The following PDK1 variants were observed in gnomAD, a reference collection of about 807,000 sequenced individuals.
PDK1 encodes [Pyruvate dehydrogenase (acetyl-transferring)] kinase isozyme 1, mitochondrial.
In PDK1, 39 loss-of-function variants were observed where a neutral mutation model predicts 54.2. The ratio of observed to expected loss-of-function variants is 0.72; its 90% CI spans 0.56 to 0.94. PDK1 has a LOEUF of 0.94. PDK1 is among the 40% of genes least tolerant of loss of function. PDK1 has a pLI of 0.00. For missense variants in PDK1, 552 were observed against 566.0 expected (o/e 0.98, Z 0.25); for synonymous variants, 221 against 207.1 (o/e 1.07, Z -0.58).
At chr2:172,645,165 G>A in the PDK1 span, among the ~76,000 whole-genome samples, 6 of 149,090 alleles carry the variant, frequency 4.0e-5, no homozygotes, top group African/African-American at 1.2e-4. Context: ...AGTACATATC[G>A]TGCCCTTTCC....
chr2:172,645,259 G>GTT, the PDK1 span, among the ~76,000 whole-genome samples: 40 of 38,690 alleles, frequency 1.0e-3, no homozygotes, highest in Admixed American at 2.3e-3. Flanking sequence ...TACAAAATAG[G>GTT]CTTTTTTTTT....
At chr2:172,564,378 CATG>C in intron 3 of PDK1, 122 bp from the exon 4 acceptor site, 1 of 687,686 alleles carries the variant, frequency 1.5e-6, no homozygotes, top group Non-Finnish European at 2.5e-6. Context: ...TATAGGAAAA[CATG>C]AACCGATTTT....
intron 6 of PDK1, among the ~76,000 whole-genome samples, chr2:172,568,492 G>A (rs147715153): frequency 9.2e-5 from 14 of 152,216 alleles, no homozygotes; most frequent in African/African-American, 2.6e-4. Context: ...AAAAATGGGC[G>A]CATGGGTTGG....
rs1237620253 is a variant in PDK1, at chr2:172,596,060, A to G, written c.*91A>G. On this transcript the variant is annotated 3_prime_UTR_variant, in exon 11 of 11. Coordinates refer to ENST00000282077, the MANE Select transcript of PDK1 (RefSeq NM_002610.5). Reference sequence around the variant, plus strand: ...AGAACTATATTATACCAAGTACTTTATTTATCGTTTTCACAAAACTATTTG... The same window carrying G: ...AGAACTATATTATACCAAGTACTTTGTTTATCGTTTTCACAAAACTATTTG... The G allele has an allele frequency of 3.7e-6, 4 of 1,095,216 alleles. No homozygotes were observed. The East Asian group carries it at 7.8e-5, about 21-fold the overall frequency. 67.8% of individuals were successfully genotyped at this position (1,095,216 alleles called of 1,614,324 possible). A position where few individuals can be genotyped will look rare whatever the true frequency, so the allele number is the denominator to read the frequency against.
chr2:172,635,187 G>T, the PDK1 span, among the ~76,000 whole-genome samples: 1 of 152,192 alleles, frequency 6.6e-6, no homozygotes, highest in East Asian at 1.9e-4. Context: ...TTACATGACT[G>T]CATATTTATT....
chr2:172,557,363 G>A (rs773624336), intron 1 of PDK1, among the ~76,000 whole-genome samples: 1 of 152,178 alleles, frequency 6.6e-6, no homozygotes, highest in Non-Finnish European at 1.5e-5. Context: ...AGAATAGTAA[G>A]TTTAAAATGC....
the PDK1 span, among the ~76,000 whole-genome samples, chr2:172,711,865 CAAAAAAAA>C: frequency 2.6e-4 from 6 of 22,784 alleles, no homozygotes; most frequent in Non-Finnish European, 2.6e-4. Context: ...GAACCTAGCT[CAAAAAAAA>C]AAAAAAAAAA....
intron 3 of PDK1, chr2:172,562,755 C>A: frequency 6.3e-7 from 1 of 1,596,444 alleles, no homozygotes; most frequent in Non-Finnish European, 8.6e-7. Flanking sequence ...CCTAGAAGAA[C>A]ATGGTTGCAG....
the PDK1 span, among the ~76,000 whole-genome samples, chr2:172,654,762 T>TA: frequency 2.6e-5 from 4 of 152,050 alleles, no homozygotes; most frequent in African/African-American, 7.2e-5. Context: ...AGTATAATAA[T>TA]AAAAAAAATT....
At chr2:172,621,018 TC>T in the PDK1 span, among the ~76,000 whole-genome samples, 1 of 152,166 alleles carries the variant, frequency 6.6e-6, no homozygotes, top group Non-Finnish European at 1.5e-5. Context: ...GGTGGCTCAC[TC>T]CTGTTATCCC....
At chr2:172,687,254 C>G in the PDK1 span, among the ~76,000 whole-genome samples, 1 of 151,810 alleles carries the variant, frequency 6.6e-6, no homozygotes, top group Non-Finnish European at 1.5e-5. Context: ...TGTTTATTGT[C>G]TATATTGTTT....
chr2:172,565,895 C>G (rs1451263481), intron 5 of PDK1, among the ~76,000 whole-genome samples: 2 of 152,166 alleles, frequency 1.3e-5, no homozygotes, highest in Admixed American at 1.3e-4. Flanking sequence ...AATTAATTCT[C>G]CTGTTCATGC....
the PDK1 span, among the ~76,000 whole-genome samples, chr2:172,629,898 C>T: frequency 0.018 from 2,771 of 152,310 alleles, 38 homozygotes; most frequent in Non-Finnish European, 0.028. Context: ...GCTGAGTAAA[C>T]GAGCCAACCC....
At chr2:172,655,445 C>A in the PDK1 span, among the ~76,000 whole-genome samples, 8 of 152,344 alleles carry the variant, frequency 5.3e-5, no homozygotes, top group African/African-American at 1.7e-4. Flanking sequence ...AGAAAGAGCT[C>A]ATTCCACTCC....
At chr2:172,623,511 G>A in the PDK1 span, among the ~76,000 whole-genome samples, 68 of 152,236 alleles carry the variant, frequency 4.5e-4, 1 homozygote, top group East Asian at 0.012. Flanking sequence ...CAATTTTATC[G>A]CTCATGACTG....
At chr2:172,668,277 TA>T in the PDK1 span, among the ~76,000 whole-genome samples, 19 of 128,230 alleles carry the variant, frequency 1.5e-4, 1 homozygote, top group East Asian at 8.9e-4. Context: ...TTTCTTTCTT[TA>T]TTTTTTTTTT....
intron 8 of PDK1, among the ~76,000 whole-genome samples, chr2:172,584,084 T>A (rs1299747595): frequency 6.6e-6 from 1 of 152,154 alleles, no homozygotes; most frequent in Non-Finnish European, 1.5e-5. Context: ...GATATGAAAA[T>A]GTAAAGACCT....
In PDK1 at chr2:172,573,626, T is replaced by G. The variant is rs1689414770; in HGVS notation, c.945+2802T>G. 2.0e-5 allele frequency among the ~76,000 whole-genome samples: 3 copies of G among 150,388 alleles called. No individual in the cohort carries two copies. In the Admixed American group the frequency reaches 2.0e-4, roughly 10 times the overall value. The stretch of plus-strand genomic sequence containing the variant: ...TATATATTCTATTTGTGTGTATATA[T>G]TCTATGTGTGTGTATATATATATAC... On this transcript the variant is annotated intron_variant, in intron 8 of 10. Coordinates refer to ENST00000282077, the MANE Select transcript of PDK1 (RefSeq NM_002610.5).
the PDK1 span, among the ~76,000 whole-genome samples, chr2:172,620,469 G>A: frequency 2.0e-5 from 3 of 152,280 alleles, no homozygotes; most frequent in African/African-American, 7.2e-5. Context: ...GAGAAGAAAA[G>A]CCTCAGGGAA....
Sources: gnomAD v4.1 joint callset for allele counts (sites outside exome capture counted in the v4.1 genomes callset) on GRCh38, gnomAD v4.1.1 for gene constraint, MANE v1.5 for transcripts, NCBI Gene and HGNC (gene_info 2026-07-23, HGNC 2026-07-21) for gene names.